The following KIAA0825 variants were observed in gnomAD, a reference collection of about 807,000 sequenced individuals.
The protein encoded by KIAA0825 is KIAA0825, also known as uncharacterized protein KIAA0825.
Under a neutral mutation model 147.6 loss-of-function variants are expected in KIAA0825, and 119 were observed. The observed-to-expected ratio is 0.81, with a 90% CI of 0.69 to 0.94. The LOEUF (loss-of-function observed/expected upper bound fraction) is 0.94. Ranked by LOEUF, KIAA0825 falls within the 40% of genes least tolerant of loss-of-function variation. The pLI is 0.00. For missense variants in KIAA0825, 1,381 were observed against 1,472.7 expected, an observed-to-expected ratio of 0.94 and a Z score of 1.02; for synonymous variants, 470 against 518.1, an observed-to-expected ratio of 0.91 and a Z score of 1.26.
At chr5:94,503,439 T>G (rs763179100) in intron 5 of KIAA0825, among the ~76,000 whole-genome samples, 1 of 152,276 alleles carries the variant, frequency 6.6e-6, no homozygotes, top group Middle Eastern at 3.4e-3. Flanking sequence ...ATGCTCCTGG[T>G]TACATTTTGG....
At chr5:94,294,980 G>A (rs906052470) in intron 20 of KIAA0825, among the ~76,000 whole-genome samples, 1 of 152,120 alleles carries the variant, frequency 6.6e-6, no homozygotes, top group Admixed American at 6.5e-5. Context: ...TTGCTAGGTT[G>A]GGGAAGTTCT....
intron 2 of KIAA0825, among the ~76,000 whole-genome samples, chr5:94,546,282 G>A (rs186454598): frequency 1.4e-4 from 22 of 152,280 alleles, no homozygotes; most frequent in Non-Finnish European, 2.2e-4. Context: ...CACCTACAGC[G>A]TGGGGGAACT....
chr5:94,393,024 A>C (rs552242110), intron 17 of KIAA0825, among the ~76,000 whole-genome samples: 2 of 152,052 alleles, frequency 1.3e-5, no homozygotes, highest in African/African-American at 4.8e-5. Flanking sequence ...AGAGGCTGAC[A>C]TTGAAAAAGT....
intron 20 of KIAA0825, among the ~76,000 whole-genome samples, chr5:94,178,268 A>G: frequency 6.6e-6 from 1 of 151,864 alleles, no homozygotes; most frequent in South Asian, 2.1e-4. Context: ...TTTCCTGTCC[A>G]TCAGTTAGTC....
At chr5:94,281,146 G>A (rs1175646709) in intron 20 of KIAA0825, among the ~76,000 whole-genome samples, 1 of 150,598 alleles carries the variant, frequency 6.6e-6, no homozygotes, top group African/African-American at 2.4e-5. Flanking sequence ...TCTTTTCGAT[G>A]GAGACAGGAG....
chr5:94,546,278 C>T (rs551541662), intron 2 of KIAA0825, among the ~76,000 whole-genome samples: 1 of 152,292 alleles, frequency 6.6e-6, no homozygotes, highest in African/African-American at 2.4e-5. Context: ...AACCCACCTA[C>T]AGCGTGGGGG....
intron 6 of KIAA0825, among the ~76,000 whole-genome samples, chr5:94,481,026 T>C (rs1174154792): frequency 6.6e-6 from 1 of 152,130 alleles, no homozygotes; most frequent in Non-Finnish European, 1.5e-5. Flanking sequence ...CTCTATGAAC[T>C]CTAAACATTT....
intron 1 of KIAA0825, among the ~76,000 whole-genome samples, chr5:94,608,779 A>G (rs1240598860): frequency 1.3e-5 from 2 of 151,818 alleles, no homozygotes; most frequent in East Asian, 3.9e-4. Context: ...CAAAAATTAG[A>G]ATTTTGGAAA....
chr5:94,334,493 A>T (rs28648994), intron 20 of KIAA0825, among the ~76,000 whole-genome samples: 4 of 151,642 alleles, frequency 2.6e-5, no homozygotes, highest in Non-Finnish European at 5.9e-5. Context: ...TAATTTTTTT[A>T]TTTTTTTGAG....
chr5:94,474,219 AG>A (rs1285817486), intron 7 of KIAA0825, among the ~76,000 whole-genome samples: 1 of 152,124 alleles, frequency 6.6e-6, no homozygotes, highest in Non-Finnish European at 1.5e-5. Flanking sequence ...GCTACAGTTG[AG>A]GGGCTGATGT....
intron 18 of KIAA0825, among the ~76,000 whole-genome samples, chr5:94,390,244 A>G (rs1181832468): frequency 6.6e-6 from 1 of 152,218 alleles, no homozygotes; most frequent in Non-Finnish European, 1.5e-5. Flanking sequence ...AATTCAGACC[A>G]GGTTTACCAT....
At chr5:94,553,775 C>CA (rs556501134) in intron 2 of KIAA0825, among the ~76,000 whole-genome samples, 4,223 of 113,984 alleles carry the variant, frequency 0.037, 145 homozygotes, top group African/African-American at 0.099. Context: ...AAAAAACAAC[C>CA]AAAAAAAAAA....
intron 15 of KIAA0825, among the ~76,000 whole-genome samples, chr5:94,404,427 T>C (rs1468194426): frequency 6.6e-6 from 1 of 152,062 alleles, no homozygotes; most frequent in East Asian, 1.9e-4. Flanking sequence ...ATTTCAGTTA[T>C]ATTTTTTCCT....
chr5:94,531,703 G>C (rs1770833616), intron 3 of KIAA0825, among the ~76,000 whole-genome samples: 1 of 152,142 alleles, frequency 6.6e-6, no homozygotes, highest in Admixed American at 6.5e-5. Flanking sequence ...CTCAGTAGGA[G>C]GGGAGAAGAG....
intron 14 of KIAA0825, among the ~76,000 whole-genome samples, chr5:94,430,010 A>C (rs772793703): frequency 1.6e-4 from 25 of 152,120 alleles, no homozygotes; most frequent in Non-Finnish European, 2.9e-4. Flanking sequence ...GAAAGCCTGA[A>C]GGTCTGCCTG....
intron 16 of KIAA0825, among the ~76,000 whole-genome samples, chr5:94,402,075 A>G (rs538642276): frequency 6.6e-6 from 1 of 152,262 alleles, no homozygotes; most frequent in East Asian, 1.9e-4. Flanking sequence ...TTTCTTTTAC[A>G]TATTCATGGG....
Position 94,152,849 on chromosome 5 carries a change from AAAAAAATTATATATATATAT to A in KIAA0825, c.*1138_*1157del, listed in dbSNP as rs1766635040. The stretch of plus-strand genomic sequence containing the variant: ...AAAAAAAAAAAAAAAAAAAAAAAAA[AAAAAAATTATATATATATAT>A]ATATATATATATATATATATATATA... On this transcript the variant is annotated 3_prime_UTR_variant, in exon 21 of 21. Coordinates refer to ENST00000682413, the MANE Select transcript of KIAA0825 (RefSeq NM_001145678.3). The A allele has an allele frequency of 4.2e-5, 1 of 23,530 alleles. No homozygotes were observed. Among genetic ancestry groups the A allele is most frequent in the African/African-American group, 1.4e-4 (1 of 7,182 alleles). The allele number at this position is 23,530 out of a possible 1,614,324, so 1.5% of individuals were successfully genotyped here.
intron 20 of KIAA0825, among the ~76,000 whole-genome samples, chr5:94,284,298 A>G (rs781447429): frequency 3.3e-5 from 5 of 152,082 alleles, no homozygotes; most frequent in Non-Finnish European, 5.9e-5. Context: ...TTATGAATGT[A>G]TATGAAGTGG....
intron 5 of KIAA0825, among the ~76,000 whole-genome samples, chr5:94,495,493 TCATGCACAAGGCACCATGTGA>T (rs1439518247): frequency 1.3e-5 from 2 of 152,196 alleles, no homozygotes; most frequent in African/African-American, 4.8e-5. Flanking sequence ...TTTGTGCCTG[TCATGCACAAGGCACCATGTGA>T]CATGCATCAC....
Sources: gnomAD v4.1 joint callset for allele counts (sites outside exome capture counted in the v4.1 genomes callset) on GRCh38, gnomAD v4.1.1 for gene constraint, MANE v1.5 for transcripts, NCBI Gene and HGNC (gene_info 2026-07-23, HGNC 2026-07-21) for gene names.